SLC16A10: variants seen among roughly 807,000 people sequenced by gnomAD.
SLC16A10 encodes the protein monocarboxylate transporter 10.
A neutral mutation model predicts 40.0 loss-of-function variants in SLC16A10; 27 were observed. The observed-to-expected ratio is 0.67, with a 90% CI of 0.50 to 0.93. The LOEUF (loss-of-function observed/expected upper bound fraction) is 0.93. Ranked by LOEUF, SLC16A10 falls within the 40% of genes least tolerant of loss-of-function variation. The probability of loss-of-function intolerance (pLI) is 0.00; values close to 1 mark genes in which losing one functional copy is unlikely to be tolerated. For synonymous variants in SLC16A10, 213 were observed against 249.8 expected (o/e 0.85, Z 1.39); for missense variants, 529 against 658.2 (o/e 0.80, Z 2.15).
At position 111,117,668 on chromosome 6, in the gene SLC16A10, A is replaced by G. The variant is rs921178601; in HGVS notation, c.343+29573A>G. ...GCTTCACCACCGATTTATGACTACC[A>G]AAACCCCACAGATCCTGTAATTAAC... On this transcript the variant is annotated intron_variant, in intron 1 of 5. Coordinates refer to ENST00000368851, the MANE Select transcript of SLC16A10 (RefSeq NM_018593.5). Among the ~76,000 whole-genome samples the G allele has an allele frequency of 5.7e-4, 86 of 152,202 alleles. 2 individuals carry two copies. Among genetic ancestry groups the G allele is most frequent in the Non-Finnish European group, 1.0e-4 (7 of 68,036 alleles).
intron 1 of SLC16A10, among the ~76,000 whole-genome samples, chr6:111,129,314 A>T (rs531048252): frequency 6.4e-4 from 97 of 152,330 alleles, no homozygotes; most frequent in Admixed American, 8.5e-4. Flanking sequence ...TTTGGAACTG[A>T]TGTGAAACTA....
chr6:111,094,004 G>A (rs1771028966), intron 1 of SLC16A10, among the ~76,000 whole-genome samples: 1 of 152,144 alleles, frequency 6.6e-6, no homozygotes, highest in South Asian at 2.1e-4. Context: ...ACAACAATGT[G>A]AGATTCCTGT....
chr6:111,099,592 G>C (rs1771137628), intron 1 of SLC16A10, among the ~76,000 whole-genome samples: 1 of 152,116 alleles, frequency 6.6e-6, no homozygotes. Context: ...TGGGATTATA[G>C]ATGTGAGCCA....
intron 1 of SLC16A10, among the ~76,000 whole-genome samples, chr6:111,130,224 G>GA (rs1771756876): frequency 1.3e-5 from 2 of 152,202 alleles, no homozygotes; most frequent in Non-Finnish European, 2.9e-5. Flanking sequence ...TAGTCATGGG[G>GA]AATGTGTTCT....
chr6:111,213,172 A>C (rs1324303913), intron 4 of SLC16A10, among the ~76,000 whole-genome samples: 2 of 152,186 alleles, frequency 1.3e-5, no homozygotes, highest in African/African-American at 4.8e-5. Context: ...GGACATATTG[A>C]AGCATGGACA....
At chr6:111,147,803 G>T (rs1252848012) in intron 1 of SLC16A10, among the ~76,000 whole-genome samples, 3 of 152,154 alleles carry the variant, frequency 2.0e-5, no homozygotes, top group Non-Finnish European at 4.4e-5. Context: ...AACAGATGTG[G>T]AGTTGTACTT....
chr6:111,097,698 C>T (rs895465990), intron 1 of SLC16A10, among the ~76,000 whole-genome samples: 1 of 152,134 alleles, frequency 6.6e-6, no homozygotes, highest in African/African-American at 2.4e-5. Flanking sequence ...TGAATGTGTG[C>T]TTTAAAAAAA....
intron 1 of SLC16A10, among the ~76,000 whole-genome samples, chr6:111,098,382 A>G (rs1771114122): frequency 6.6e-6 from 1 of 152,122 alleles, no homozygotes; most frequent in African/African-American, 2.4e-5. Context: ...ACATAGTGAG[A>G]CCCCATCTCT....
chr6:111,149,131 A>G (rs1312636016), intron 1 of SLC16A10, among the ~76,000 whole-genome samples: 1 of 152,198 alleles, frequency 6.6e-6, no homozygotes, highest in Non-Finnish European at 1.5e-5. Context: ...GCTTTCAAGC[A>G]TTCTGGCAAG....
chr6:111,138,895 G>A (rs1435061112), intron 1 of SLC16A10, among the ~76,000 whole-genome samples: 1 of 152,124 alleles, frequency 6.6e-6, no homozygotes, highest in African/African-American at 2.4e-5. Flanking sequence ...AGAGGATGCA[G>A]TAGAGTTACA....
chr6:111,186,427 T>C (rs1462269769), intron 3 of SLC16A10, among the ~76,000 whole-genome samples: 6 of 152,244 alleles, frequency 3.9e-5, no homozygotes, highest in Non-Finnish European at 1.5e-5. Flanking sequence ...ATAAATTGTT[T>C]TGATATGGGA....
At chr6:111,203,859 C>A (rs983882312) in intron 3 of SLC16A10, among the ~76,000 whole-genome samples, 3 of 151,826 alleles carry the variant, frequency 2.0e-5, no homozygotes, top group African/African-American at 4.8e-5. Flanking sequence ...CCTTATTATT[C>A]TTTTTAAGGA....
chr6:111,120,104 G>T (rs575247429), intron 1 of SLC16A10, among the ~76,000 whole-genome samples: 140 of 152,300 alleles, frequency 9.2e-4, no homozygotes, highest in African/African-American at 3.2e-3. Context: ...AGAGATTTGC[G>T]TATGTCCTCA....
intron 3 of SLC16A10, among the ~76,000 whole-genome samples, chr6:111,187,161 TTTAACATTTTAG>T (rs1233399578): frequency 6.6e-6 from 1 of 152,254 alleles, no homozygotes; most frequent in Admixed American, 6.5e-5. Flanking sequence ...TTCTTTTTGA[TTTAACATTTTAG>T]TTAACATTTT....
chr6:111,126,757 G>A (rs907298668), intron 1 of SLC16A10, among the ~76,000 whole-genome samples: 10 of 151,982 alleles, frequency 6.6e-5, no homozygotes, highest in African/African-American at 2.4e-4. Context: ...ATAGCACTGT[G>A]GTTAATAATA....
At chr6:111,099,256 AT>A (rs1771129787) in intron 1 of SLC16A10, among the ~76,000 whole-genome samples, 1 of 152,170 alleles carries the variant, frequency 6.6e-6, no homozygotes, top group South Asian at 2.1e-4. Flanking sequence ...TTATATTTGT[AT>A]TTTTATGCAT....
At chr6:111,103,287 G>A (rs540806311) in intron 1 of SLC16A10, among the ~76,000 whole-genome samples, 7 of 152,046 alleles carry the variant, frequency 4.6e-5, no homozygotes, top group African/African-American at 1.4e-4. Flanking sequence ...GCACGATCTT[G>A]GCTTACGGCC....
At chr6:111,183,624 G>A (rs1562425365) in intron 3 of SLC16A10, among the ~76,000 whole-genome samples, 1 of 152,132 alleles carries the variant, frequency 6.6e-6, no homozygotes, top group East Asian at 1.9e-4. Context: ...TGCAGGACAT[G>A]GTGTTATTAA....
intron 1 of SLC16A10, among the ~76,000 whole-genome samples, chr6:111,100,635 G>A (rs1472789244): frequency 1.3e-5 from 2 of 151,710 alleles, no homozygotes; most frequent in African/African-American, 2.4e-5. Context: ...GATCCGCCTC[G>A]GCCTACCAAA....
Sources: allele counts gnomAD v4.1 joint callset (sites outside exome capture counted in the v4.1 genomes callset), GRCh38; gene constraint gnomAD v4.1.1; transcripts MANE v1.5; gene names NCBI Gene and HGNC (gene_info 2026-07-23, HGNC 2026-07-21).